PRDM1: variants seen among roughly 807,000 people sequenced by gnomAD.
PRDM1 encodes PR domain zinc finger protein 1.
In PRDM1, 13 loss-of-function variants were observed where a neutral mutation model predicts 62.8. That is an observed-to-expected ratio of 0.21 (90% CI 0.13 to 0.33). The LOEUF (loss-of-function observed/expected upper bound fraction) is 0.33. Ranked by LOEUF, PRDM1 falls within the 10% of genes least tolerant of loss-of-function variation. PRDM1 has a pLI of 1.00. For missense variants in PRDM1, 895 were observed against 1,058.8 expected (o/e 0.85, Z 2.15); for synonymous variants, 396 against 417.6 (o/e 0.95, Z 0.63).
At chr6:106,053,583 A>G (rs1773214978) in intron 1 of PRDM1, among the ~76,000 whole-genome samples, 1 of 152,028 alleles carries the variant, frequency 6.6e-6, no homozygotes, top group Non-Finnish European at 1.5e-5. Flanking sequence ...TAAGTATTGT[A>G]TTGTATCCTG....
intron 2 of PRDM1, 142 bp from the exon 3 acceptor site, chr6:106,095,473 G>A: frequency 1.2e-6 from 1 of 845,126 alleles, no homozygotes; most frequent in South Asian, 1.9e-5. Context: ...TAATTATGTA[G>A]GCATCATTAA....
At chr6:106,034,604 CTACAGTCT>C (rs1772896707) in intron 1 of PRDM1, among the ~76,000 whole-genome samples, 1 of 147,708 alleles carries the variant, frequency 6.8e-6, no homozygotes, top group African/African-American at 2.5e-5. Flanking sequence ...AGAGATAACA[CTACAGTCT>C]TACAGTCTTT....
chr6:106,096,336 C>T (rs1213262072), intron 3 of PRDM1, among the ~76,000 whole-genome samples: 2 of 151,954 alleles, frequency 1.3e-5, no homozygotes, highest in Admixed American at 6.5e-5. Flanking sequence ...TTAGTAGAGA[C>T]GGGGTTCCAC....
At chr6:106,104,731 A>C in intron 4 of PRDM1, 94 bp from the exon 5 acceptor site, 1 of 1,413,046 alleles carries the variant, frequency 7.1e-7, no homozygotes, top group South Asian at 1.4e-5. Context: ...GCCAGCTGTT[A>C]CTCAGGTTTT....
In PRDM1 at chr6:106,093,498, G is replaced by T. The variant is rs540214868; in HGVS notation, c.292-2117G>T. 4.6e-5 allele frequency among the ~76,000 whole-genome samples: 7 copies of T among 152,114 alleles called. 1 individual carries two copies. The South Asian group carries it at 1.2e-3, about 27-fold the overall frequency. The stretch of plus-strand genomic sequence containing the variant: ...CTAATTATTGGCTCACCAACAAATG[G>T]CATGATTTGTTTTTCCTGTTTGTCA... On this transcript the variant is annotated intron_variant, in intron 2 of 6. Transcript: ENST00000369096.
chr6:106,100,205 CCT>C (rs1048538387), intron 4 of PRDM1: 9 of 152,214 alleles, frequency 5.9e-5, no homozygotes, highest in African/African-American at 1.9e-4. Context: ...GCTGTCATGA[CCT>C]CTCTCTGCAG....
chr6:106,044,260 C>T (rs188905337), upstream of PRDM1, among the ~76,000 whole-genome samples: 2 of 148,292 alleles, frequency 1.3e-5, no homozygotes, highest in Admixed American at 6.8e-5. Flanking sequence ...ATGAGTCTGG[C>T]TGACAAGACT....
rs1280784735 is a variant in PRDM1, at chr6:106,107,973, T to TC, written c.*488dup. The TC allele has an allele frequency of 8.6e-6, 2 of 232,678 alleles. No homozygotes were observed. The highest frequency in any genetic ancestry group is 1.7e-5 in the Non-Finnish European group (2 of 117,534). The allele number at this position is 232,678 out of a possible 1,614,324, so 14.4% of individuals were successfully genotyped here. A position where few individuals can be genotyped will look rare whatever the true frequency, so the allele number is the denominator to read the frequency against. ...TTGTGGCCATTCTTTGTAGATAATT[T>TC]CTGCACATCTGTATAAGTACCTAAG... On this transcript the variant is annotated 3_prime_UTR_variant, in exon 7 of 7. Transcript: ENST00000369096.
chr6:106,067,751 C>G (rs888511011), intron 1 of PRDM1, among the ~76,000 whole-genome samples: 4 of 152,086 alleles, frequency 2.6e-5, no homozygotes, highest in Admixed American at 1.3e-4. Flanking sequence ...TTAATAGGAT[C>G]AGAGTTTCTG....
intron 2 of PRDM1, among the ~76,000 whole-genome samples, chr6:106,093,864 A>G (rs1224266619): frequency 1.3e-5 from 2 of 152,178 alleles, no homozygotes; most frequent in Non-Finnish European, 2.9e-5. Flanking sequence ...ACCAAAAATA[A>G]CACTCTTGTT....
chr6:106,105,567 G>A lies in PRDM1; in HGVS notation c.1407G>A (p.Ser469=), dbSNP rs201380638. ...TCAACCCCACTTCTCTCCCGAGCTC[G>A]CTGCCCTCAGATGGAGCCCGGAGGT... is the stretch of plus-strand genomic sequence containing the variant. ...PMLNPTSLPS[S]LPSDGARRLL... is the part of the protein sequence containing the mutation. The change falls in exon 5 of 7, where the codon TCG becomes TCA. Residue 469 remains serine, a synonymous_variant. Transcript: ENST00000369096. The A allele has an allele frequency of 6.2e-7, 1 of 1,612,586 alleles. No homozygotes were observed. The highest frequency in any genetic ancestry group is 1.3e-5 in the African/African-American group (1 of 75,004).
rs2114657938 is a variant in PRDM1 at position 106,105,779 on chromosome 6, C to A, written c.1619C>A (p.Ala540Asp). ...QPKATSAAMA[A>D]PSSDEAMNLI... ...AAAGCTACCTCAGCAGCGATGGCAG[C>A]CCCCAGCAGCGACGAAGCCATGAAT... is the stretch of plus-strand genomic sequence containing the variant. Residue 540 changes from alanine to aspartate, a missense_variant, in exon 5 of 7, where the codon GCC (alanine) becomes GAC (aspartate). Physicochemically the swap from Ala to Asp is moderately radical, Grantham distance 126. This residue lies in a region of PRDM1 where 444 missense variants were observed against 422.7 expected (regional missense o/e 1.05). Transcript: ENST00000369096. The A allele has an allele frequency of 1.2e-6, 2 of 1,614,204 alleles. No individual in the cohort carries two copies. The highest frequency in any genetic ancestry group is 1.7e-6 in the Non-Finnish European group (2 of 1,180,036).
intron 1 of PRDM1, among the ~76,000 whole-genome samples, chr6:106,042,301 A>G (rs1318063384): frequency 6.6e-6 from 1 of 150,744 alleles, no homozygotes; most frequent in African/African-American, 2.4e-5. Flanking sequence ...CGGGCAGATC[A>G]CCTGAGATCG....
intron 3 of PRDM1, chr6:106,098,727 GT>G (rs1774181214): frequency 7.1e-7 from 1 of 1,409,976 alleles, no homozygotes; most frequent in Non-Finnish European, 9.5e-7. Context: ...AAAAGGCAAG[GT>G]TCCAAGTATT....
At chr6:106,017,500 T>A (rs1772637092) in intron 1 of PRDM1, among the ~76,000 whole-genome samples, 1 of 152,184 alleles carries the variant, frequency 6.6e-6, no homozygotes, top group Non-Finnish European at 1.5e-5. Context: ...CCTGCGCACC[T>A]CCACCCTACC....
intron 1 of PRDM1, among the ~76,000 whole-genome samples, chr6:106,022,841 C>A (rs550273950): frequency 1.8e-4 from 27 of 152,338 alleles, no homozygotes; most frequent in African/African-American, 6.5e-4. Flanking sequence ...CTGGCATGAG[C>A]CCCTGTGCCC....
chr6:106,083,043 G>T (rs1011154987), upstream of PRDM1, among the ~76,000 whole-genome samples: 3 of 152,140 alleles, frequency 2.0e-5, no homozygotes, highest in African/African-American at 7.2e-5. Flanking sequence ...AGTTGAAAAG[G>T]CTGTTAAAGT....
At chr6:106,055,282 T>G (rs1197283338) in intron 1 of PRDM1, among the ~76,000 whole-genome samples, 5 of 152,188 alleles carry the variant, frequency 3.3e-5, no homozygotes, top group Non-Finnish European at 5.9e-5. Flanking sequence ...TTACGGGAAT[T>G]TTTTTCTTGG....
At chr6:106,074,861 C>G (rs1317573021) in intron 1 of PRDM1, among the ~76,000 whole-genome samples, 1 of 152,168 alleles carries the variant, frequency 6.6e-6, no homozygotes, top group Non-Finnish European at 1.5e-5. Flanking sequence ...GTGTTCCCAG[C>G]TACTCAAGAG....
Sources: gnomAD v4.1 joint callset for allele counts (sites outside exome capture counted in the v4.1 genomes callset) on GRCh38, gnomAD v4.1.1 for gene constraint, gnomAD v4.1.1 regional missense constraint, MANE v1.5 for transcripts, NCBI Gene and HGNC (gene_info 2026-07-23, HGNC 2026-07-21) for gene names.